The following CREB5 variants were observed in gnomAD, a reference collection of about 807,000 sequenced individuals.
The protein encoded by CREB5 is cAMP responsive element binding protein 5.
A neutral mutation model predicts 57.1 loss-of-function variants in CREB5; 19 were observed. That is an observed-to-expected ratio of 0.33 (90% confidence interval 0.23 to 0.49). The LOEUF (loss-of-function observed/expected upper bound fraction) is 0.49, where lower values mean the gene tolerates loss of function less well. Among genes scored for constraint, CREB5 ranks in the 20% least tolerant of loss-of-function variants. The probability of loss-of-function intolerance (pLI) is 0.99; values close to 1 mark genes in which losing one functional copy is unlikely to be tolerated. For missense variants in CREB5, 579 were observed against 671.6 expected, an observed-to-expected ratio of 0.86 and a Z score of 1.52; for synonymous variants, 238 against 238.3, an observed-to-expected ratio of 1.00 and a Z score of 0.01.
Position 28,804,327 on chromosome 7 carries a change from CCCGCAT to C in CREB5, c.833_838del (p.Pro278_His279del), listed in dbSNP as rs763039236. 1.6e-5 allele frequency: 26 copies of C among 1,613,928 alleles called. 2 individuals carry two copies. The South Asian group carries it at 2.6e-4, about 16-fold the overall frequency. On this transcript the variant is annotated inframe_deletion, in exon 8 of 11. Transcript: ENST00000357727. ...CGCCACACCATCACATGCACTCGCA[CCCGCAT>C]CAGCACCAGACACTGCCACCCCATC...
intron 4 of CREB5, among the ~76,000 whole-genome samples, chr7:28,556,556 CTGACT>C (rs1209652818): frequency 6.6e-6 from 1 of 152,100 alleles, no homozygotes; most frequent in Non-Finnish European, 1.5e-5. Context: ...TTTTACCCTT[CTGACT>C]TAATTTTTCT....
intron 3 of CREB5, among the ~76,000 whole-genome samples, chr7:28,503,786 G>T (rs538047025): frequency 1.3e-5 from 2 of 152,266 alleles, no homozygotes; most frequent in African/African-American, 4.8e-5. Context: ...CATAGGCATG[G>T]GATTGACACA....
intron 5 of CREB5, among the ~76,000 whole-genome samples, chr7:28,636,326 T>C (rs1370110739): frequency 6.6e-6 from 1 of 152,098 alleles, no homozygotes; most frequent in Non-Finnish European, 1.5e-5. Flanking sequence ...GGAATGTGTT[T>C]AGAGTGTTCC....
At chr7:28,583,949 A>T (rs1796218090) in intron 5 of CREB5, among the ~76,000 whole-genome samples, 1 of 152,142 alleles carries the variant, frequency 6.6e-6, no homozygotes, top group Non-Finnish European at 1.5e-5. Context: ...AAGTGCTGGG[A>T]TTACAGGAGT....
Position 28,472,932 on chromosome 7 carries a change from A to C in CREB5, c.4-15243A>C, listed in dbSNP as rs1199677591. Among the ~76,000 whole-genome samples the C allele has an allele frequency of 6.6e-5, 10 of 152,294 alleles. No homozygotes were observed. In the East Asian group the frequency reaches 1.5e-3, roughly 24 times the overall value. ...CCAGCCTTCTTTCAGTCCCTCAGAC[A>C]TGCCAAGCTCTTTGCTTTTGCTCTC... On this transcript the variant is annotated intron_variant, in intron 1 of 10. Coordinates refer to ENST00000357727, the MANE Select transcript of CREB5 (RefSeq NM_182898.4).
intron 1 of CREB5, among the ~76,000 whole-genome samples, chr7:28,321,444 A>C (rs550961677): frequency 6.6e-6 from 1 of 152,234 alleles, no homozygotes; most frequent in South Asian, 2.1e-4. Context: ...TCTCATACCC[A>C]ATCTATCACA....
chr7:28,799,223 G>A (rs987745675), intron 7 of CREB5, among the ~76,000 whole-genome samples: 2 of 152,166 alleles, frequency 1.3e-5, no homozygotes, highest in Non-Finnish European at 2.9e-5. Context: ...TGCTCAGAGG[G>A]TAGACTCAAC....
intron 5 of CREB5, among the ~76,000 whole-genome samples, chr7:28,616,665 A>G (rs1400699718): frequency 2.0e-5 from 3 of 152,172 alleles, no homozygotes; most frequent in Non-Finnish European, 2.9e-5. Context: ...CTGCACTCCA[A>G]CCAGAGAGGC....
Position 28,825,735 on chromosome 7 carries a change from C to T in CREB5, c.*6456C>T, listed in dbSNP as rs186494192. ...GTTAAGCTTTTTGTTGCATCGTGAA[C>T]ACATTTATTGTTACCAATGGACAAT... On this transcript the variant is annotated 3_prime_UTR_variant, in exon 11 of 11. Coordinates refer to ENST00000357727, the MANE Select transcript of CREB5 (RefSeq NM_182898.4). The T allele has an allele frequency of 6.5e-6, 1 of 152,692 alleles. No homozygotes were observed. Among genetic ancestry groups the T allele is most frequent in the African/African-American group, 2.4e-5 (1 of 41,554 alleles). 9.5% of individuals were successfully genotyped at this position (152,692 alleles called of 1,614,324 possible). A position where few individuals can be genotyped will look rare whatever the true frequency, so the allele number is the denominator to read the frequency against.
rs1562797981 is a variant in CREB5, at chr7:28,560,937, CGTGCGT to C, written c.292-9424_292-9419del. Among the ~76,000 whole-genome samples, 64 of 35,524 alleles carry C rather than the reference CGTGCGT, an allele frequency of 1.8e-3. 4 individuals carry two copies. The highest frequency in any genetic ancestry group is 4.5e-3 in the Admixed American group (15 of 3,356). The allele number at this position is 35,524 out of a possible 152,430, so 23.3% of individuals were successfully genotyped here. On this transcript the variant is annotated intron_variant, in intron 4 of 10. Coordinates refer to ENST00000357727, the MANE Select transcript of CREB5 (RefSeq NM_182898.4). ...GTGCGTGTGTGCGCGTGCGTGTGTG[CGTGCGT>C]GTGTGTGCGTGTGTGTGCGTGTGTG...
At chr7:28,571,335 C>T (rs367781501) in intron 5 of CREB5, among the ~76,000 whole-genome samples, 8 of 152,136 alleles carry the variant, frequency 5.3e-5, no homozygotes, top group East Asian at 1.9e-4. Flanking sequence ...ACAGTCGTCC[C>T]GCCCTCTGCT....
At chr7:28,696,162 C>A (rs1801546768) in intron 5 of CREB5, among the ~76,000 whole-genome samples, 1 of 152,192 alleles carries the variant, frequency 6.6e-6, no homozygotes, top group South Asian at 2.1e-4. Context: ...TGCCTGGGAG[C>A]CTCCAAAGCT....
intron 5 of CREB5, among the ~76,000 whole-genome samples, chr7:28,571,400 C>G (rs545137975): frequency 3.3e-5 from 5 of 152,244 alleles, no homozygotes; most frequent in Admixed American, 3.3e-4. Flanking sequence ...CCTCTCCTTC[C>G]TGTTACTGCC....
At chr7:28,672,804 A>G (rs1037912240) in intron 5 of CREB5, among the ~76,000 whole-genome samples, 1 of 152,228 alleles carries the variant, frequency 6.6e-6, no homozygotes, top group African/African-American at 2.4e-5. Context: ...TCCCTAGTTC[A>G]GTTTTTTCAC....
chr7:28,401,326 C>A lies in CREB5; in HGVS notation c.-24-93580C>A, dbSNP rs138604786. ...AGAACCAGGTCAAGCCATTAGCAGC[C>A]AATGGTCTTCCAGATGAGGTTCCCC... is the stretch of plus-strand genomic sequence containing the variant. On this transcript the variant is annotated intron_variant, in intron 1 of 9. Coordinates refer to the CREB5 transcript ENST00000396299. 3.3e-3 allele frequency among the ~76,000 whole-genome samples: 505 copies of A among 151,992 alleles called. 1 individual carries two copies. The highest frequency in any genetic ancestry group is 0.011 in the African/African-American group (454 of 41,460).
At chr7:28,586,014 CT>C (rs1177490897) in intron 5 of CREB5, among the ~76,000 whole-genome samples, 1 of 152,152 alleles carries the variant, frequency 6.6e-6, no homozygotes, top group East Asian at 1.9e-4. Flanking sequence ...AACTTTGCAT[CT>C]TTTTTTGGAT....
chr7:28,567,316 T>C (rs1795523472), intron 4 of CREB5, among the ~76,000 whole-genome samples: 1 of 152,228 alleles, frequency 6.6e-6, no homozygotes, highest in Non-Finnish European at 1.5e-5. Context: ...ACTGCATTAT[T>C]GCATACTTGC....
At chr7:28,610,812 T>C (rs1797352695) in intron 5 of CREB5, among the ~76,000 whole-genome samples, 1 of 152,146 alleles carries the variant, frequency 6.6e-6, no homozygotes, top group Non-Finnish European at 1.5e-5. Flanking sequence ...CCATAGAGAA[T>C]AGATTGTCTT....
chr7:28,656,958 G>A (rs1011024399), intron 5 of CREB5, among the ~76,000 whole-genome samples: 9 of 152,042 alleles, frequency 5.9e-5, no homozygotes, highest in African/African-American at 2.2e-4. Context: ...CCAACTCACA[G>A]GACAATACAT....
Sources: allele counts gnomAD v4.1 joint callset (sites outside exome capture counted in the v4.1 genomes callset), GRCh38; gene constraint gnomAD v4.1.1; transcripts MANE v1.5; gene names NCBI Gene and HGNC (gene_info 2026-07-23, HGNC 2026-07-21).